The following GREB1L variants were observed in gnomAD, a reference collection of about 807,000 sequenced individuals.
GREB1L encodes GREB1-like protein.
In GREB1L, 17 loss-of-function variants were observed where a neutral mutation model predicts 200.8. That is an observed-to-expected ratio of 0.08 (90% CI 0.06 to 0.13). The LOEUF is 0.13. GREB1L is among the 10% of genes least tolerant of loss of function. The pLI, the probability that GREB1L is intolerant of heterozygous loss-of-function variation, is 1.00. For synonymous variants in GREB1L, 789 were observed against 893.0 expected (o/e 0.88, Z 2.08); for missense variants, 1,657 against 2,367.7 (o/e 0.70, Z 6.23).
intron 15 of GREB1L, among the ~76,000 whole-genome samples, chr18:21,458,271 C>G (rs2034870837): frequency 6.6e-6 from 1 of 152,032 alleles, no homozygotes; most frequent in Non-Finnish European, 1.5e-5. Context: ...GCGCCCGGCC[C>G]AAGGACAGTT....
chr18:21,336,964 T>C (rs1400087802), intron 1 of GREB1L, among the ~76,000 whole-genome samples: 2 of 150,582 alleles, frequency 1.3e-5, no homozygotes, highest in Non-Finnish European at 2.9e-5. Context: ...TAGTATTCAA[T>C]AATGTGATTT....
Position 21,477,242 on chromosome 18 carries a change from G to GGAA in GREB1L, c.2444_2446dup (p.Glu815dup). 1 of 1,551,890 alleles carries GGAA rather than the reference G, an allele frequency of 6.4e-7. No homozygotes were observed. Among genetic ancestry groups the GGAA allele is most frequent in the Non-Finnish European group, 8.7e-7 (1 of 1,146,998 alleles). On this transcript the variant is annotated inframe_insertion, in exon 17 of 33. Transcript: ENST00000424526. Reference sequence around the variant, plus strand: ...GAGTCATTAATTGCAGAGAAGTTCTGGAAGCTTTCAACCTCCTGGTGCTCC... The same window carrying GGAA: ...GAGTCATTAATTGCAGAGAAGTTCTGGAAGAAGCTTTCAACCTCCTGGTGCTCC...
At chr18:21,488,481 A>G (rs754253120) in intron 18 of GREB1L, among the ~76,000 whole-genome samples, 1 of 152,084 alleles carries the variant, frequency 6.6e-6, no homozygotes, top group Non-Finnish European at 1.5e-5. Context: ...GAATTATAGA[A>G]TGGAACAAAG....
At chr18:21,277,098 T>G (rs767025730) in intron 1 of GREB1L, among the ~76,000 whole-genome samples, 25 of 151,980 alleles carry the variant, frequency 1.6e-4, no homozygotes, top group Non-Finnish European at 2.9e-4. Flanking sequence ...CCAGCCAATT[T>G]TTTGTATTTT....
At chr18:21,440,960 C>A (rs1437740564) in intron 9 of GREB1L, among the ~76,000 whole-genome samples, 1 of 152,202 alleles carries the variant, frequency 6.6e-6, no homozygotes, top group African/African-American at 2.4e-5. Context: ...ACATAGACAT[C>A]TTATATACAC....
chr18:21,408,597 C>A (rs1443292461), intron 7 of GREB1L, among the ~76,000 whole-genome samples: 3 of 151,928 alleles, frequency 2.0e-5, no homozygotes, highest in African/African-American at 7.3e-5. Flanking sequence ...AAGTTTGAGA[C>A]CAGCCTGACC....
intron 1 of GREB1L, among the ~76,000 whole-genome samples, chr18:21,252,152 A>G (rs2037716675): frequency 6.6e-6 from 1 of 152,258 alleles, no homozygotes; most frequent in Admixed American, 6.5e-5. Context: ...AAATAATAGT[A>G]AACTATCACT....
In GREB1L at chr18:21,335,061, T is replaced by C. The variant is rs1012872267; in HGVS notation, c.-119-30966T>C. Among the ~76,000 whole-genome samples the C allele has an allele frequency of 3.3e-5, 5 of 152,240 alleles. No individual in the cohort carries two copies. In the South Asian group the frequency reaches 6.2e-4, roughly 19 times the overall value. Reference sequence around the variant, plus strand: ...GGTTTTCTCCTTCCTAAACCCTTGCTAAATTGTTCTGGCAGTACATAAAAG... The same window carrying C: ...GGTTTTCTCCTTCCTAAACCCTTGCCAAATTGTTCTGGCAGTACATAAAAG... On this transcript the variant is annotated intron_variant, in intron 1 of 32. Transcript: ENST00000424526.
intron 2 of GREB1L, among the ~76,000 whole-genome samples, chr18:21,376,051 T>C (rs1246725494): frequency 6.6e-6 from 1 of 152,154 alleles, no homozygotes; most frequent in Non-Finnish European, 1.5e-5. Context: ...TTCTAAAAAG[T>C]CTTTGAGAGT....
chr18:21,521,497 CAG>C (rs1279610176), intron 32 of GREB1L, among the ~76,000 whole-genome samples: 4 of 152,052 alleles, frequency 2.6e-5, no homozygotes, highest in East Asian at 1.9e-4. Flanking sequence ...AGCATGAGAA[CAG>C]GGAGAGGGGT....
At chr18:21,491,568 C>T (rs2036336736) in intron 19 of GREB1L, among the ~76,000 whole-genome samples, 1 of 152,010 alleles carries the variant, frequency 6.6e-6, no homozygotes, top group African/African-American at 2.4e-5. Context: ...AAAAAATTAG[C>T]CAGGTGTGGT....
intron 1 of GREB1L, among the ~76,000 whole-genome samples, chr18:21,247,131 C>T (rs1473866666): frequency 2.0e-5 from 3 of 152,124 alleles, no homozygotes; most frequent in African/African-American, 7.2e-5. Context: ...TTTCTTCCCT[C>T]CCATTCTTGA....
intron 5 of GREB1L, among the ~76,000 whole-genome samples, chr18:21,399,285 GT>G (rs1213736069): frequency 6.6e-6 from 1 of 152,206 alleles, no homozygotes; most frequent in African/African-American, 2.4e-5. Context: ...AGGTCAGGCA[GT>G]TTTCCATGAA....
intron 2 of GREB1L, among the ~76,000 whole-genome samples, chr18:21,372,552 G>A (rs1763098633): frequency 6.6e-6 from 1 of 152,046 alleles, no homozygotes; most frequent in African/African-American, 2.4e-5. Flanking sequence ...TTTATGTGTG[G>A]CTCAGAACAA....
At chr18:21,457,383 AAAC>A (rs1156882149) in intron 15 of GREB1L, among the ~76,000 whole-genome samples, 10 of 152,230 alleles carry the variant, frequency 6.6e-5, no homozygotes, top group African/African-American at 2.4e-4. Flanking sequence ...TTTGCTGCAA[AAAC>A]AATCACTTCT....
intron 1 of GREB1L, among the ~76,000 whole-genome samples, chr18:21,321,131 T>G (rs2038944948): frequency 6.6e-6 from 1 of 151,008 alleles, no homozygotes; most frequent in African/African-American, 2.4e-5. Flanking sequence ...CTGTCTCTAC[T>G]AAAAATACAA....
chr18:21,447,922 G>A (rs1363281423), intron 11 of GREB1L, among the ~76,000 whole-genome samples: 1 of 152,002 alleles, frequency 6.6e-6, no homozygotes, highest in Admixed American at 6.6e-5. Flanking sequence ...CCAACACTTT[G>A]GGAGGCTGAA....
intron 29 of GREB1L, 112 bp from the exon 30 acceptor site, chr18:21,516,500 TG>T: frequency 9.7e-7 from 1 of 1,032,536 alleles, no homozygotes; most frequent in Non-Finnish European, 1.4e-6. Context: ...CACAAAAGCA[TG>T]GTTGATTATT....
intron 1 of GREB1L, among the ~76,000 whole-genome samples, chr18:21,276,789 A>C (rs145894401): frequency 2.0e-5 from 3 of 152,192 alleles, no homozygotes; most frequent in Admixed American, 6.5e-5. Flanking sequence ...GAAAGAAGGA[A>C]GAGAGAGGGA....
Sources: gnomAD v4.1 joint callset for allele counts (sites outside exome capture counted in the v4.1 genomes callset) on GRCh38, gnomAD v4.1.1 for gene constraint, MANE v1.5 for transcripts, NCBI Gene and HGNC (gene_info 2026-07-23, HGNC 2026-07-21) for gene names.